PI4KA: variants seen among roughly 807,000 people sequenced by gnomAD.
The protein encoded by PI4KA is PI4-kinase alpha.
A neutral mutation model predicts 271.4 loss-of-function variants in PI4KA; 122 were observed. That is an observed-to-expected ratio of 0.45 (90% CI 0.39 to 0.52). The LOEUF (loss-of-function observed/expected upper bound fraction) is 0.52. PI4KA is among the 20% of genes least tolerant of loss of function. The pLI is 0.00. For synonymous variants in PI4KA, 1,041 were observed against 1,078.8 expected, an observed-to-expected ratio of 0.96 and a Z score of 0.69; for missense variants, 1,969 against 2,769.1, an observed-to-expected ratio of 0.71 and a Z score of 6.48.
intron 23 of PI4KA, among the ~76,000 whole-genome samples, chr22:20,758,459 C>CTTTTTTTTTTTTTTTTTTTTTTTTT (rs35401829): frequency 7.1e-5 from 6 of 85,034 alleles, no homozygotes; most frequent in Non-Finnish European, 6.6e-5. Context: ...TCTTTCTTTT[C>CTTTTTTTTTTTTTTTTTTTTTTTTT]TTTTTTTTTT....
intron 7 of PI4KA, 90 bp downstream of exon 7, chr22:20,818,393 A>C (rs1922125142): frequency 3.4e-6 from 3 of 876,590 alleles, no homozygotes; most frequent in East Asian, 3.0e-5. Flanking sequence ...CAACAGAGTT[A>C]GTATCAGCAT....
At chr22:20,785,648 A>C (rs1194002390) in intron 19 of PI4KA, among the ~76,000 whole-genome samples, 2 of 152,158 alleles carry the variant, frequency 1.3e-5, no homozygotes, top group Non-Finnish European at 2.9e-5. Flanking sequence ...CTCCTTAATT[A>C]CAAAAAAAAA....
intron 19 of PI4KA, among the ~76,000 whole-genome samples, chr22:20,781,965 A>G (rs1429286009): frequency 6.6e-6 from 1 of 152,252 alleles, no homozygotes; most frequent in Non-Finnish European, 1.5e-5. Context: ...ACATGACAAG[A>G]GCTCAGCGAA....
intron 7 of PI4KA, among the ~76,000 whole-genome samples, chr22:20,817,674 C>T (rs764532996): frequency 5.2e-5 from 6 of 115,410 alleles, no homozygotes; most frequent in South Asian, 3.0e-4. Flanking sequence ...GTTGAAGCTG[C>T]GGTGAGCCAT....
intron 1 of PI4KA, among the ~76,000 whole-genome samples, chr22:20,848,107 G>C (rs952108998): frequency 6.4e-4 from 97 of 152,014 alleles, no homozygotes; most frequent in African/African-American, 2.2e-3. Context: ...GCATGGTTGT[G>C]CACACCTGTA....
intron 22 of PI4KA, chr22:20,764,514 G>A: frequency 3.7e-6 from 1 of 268,318 alleles, no homozygotes; most frequent in Non-Finnish European, 7.1e-6. Flanking sequence ...TGGGTCCTCA[G>A]AAGGGCCTCG....
At position 20,754,716 on chromosome 22, in the gene PI4KA, G is replaced by T. The variant is rs559479788; in HGVS notation, c.2792-1536C>A. ...CATAATCCCAGCACTTTGAGAGGCC[G>T]AGGTGGGTGGATCACGAGGTCAGGA... On this transcript the variant is annotated intron_variant, in intron 23 of 54. Coordinates refer to ENST00000255882, the MANE Select transcript of PI4KA (RefSeq NM_058004.4). Among the ~76,000 whole-genome samples, 4 of 152,288 alleles carry T rather than the reference G, an allele frequency of 2.6e-5. No homozygotes were observed. In the South Asian group the frequency reaches 8.3e-4, roughly 32 times the overall value.
intron 2 of PI4KA, among the ~76,000 whole-genome samples, chr22:20,835,344 G>A (rs1244050016): frequency 6.6e-6 from 1 of 152,186 alleles, no homozygotes; most frequent in Non-Finnish European, 1.5e-5. Flanking sequence ...AGGATTAGAT[G>A]TGCTCCAGAG....
chr22:20,815,013 A>G (rs1233920869), intron 7 of PI4KA, among the ~76,000 whole-genome samples: 1 of 152,060 alleles, frequency 6.6e-6, no homozygotes, highest in Non-Finnish European at 1.5e-5. Flanking sequence ...ATTATTTTAA[A>G]TTAAAATAGA....
chr22:20,789,652 T>C (rs1247222879), intron 19 of PI4KA, among the ~76,000 whole-genome samples: 2 of 152,188 alleles, frequency 1.3e-5, no homozygotes, highest in Admixed American at 1.3e-4. Context: ...AGATCACTGC[T>C]TGGTTTTAGC....
In PI4KA at chr22:20,751,881, A is replaced by G. The variant is rs927291876; in HGVS notation, c.2988-126T>C. On this transcript the variant is annotated intron_variant, in intron 25 of 54. Coordinates refer to ENST00000255882, the MANE Select transcript of PI4KA (RefSeq NM_058004.4). ...AGGCCAGCTGAAGGAGGAGGTCGGG[A>G]GGCCCTTGCAGCAGGATGCCTGGCC... 5.1e-5 allele frequency: 39 copies of G among 760,764 alleles called. 1 individual carries two copies. The highest frequency in any genetic ancestry group is 4.9e-5 in the Non-Finnish European group (22 of 448,834). 47.1% of individuals were successfully genotyped at this position (760,764 alleles called of 1,614,324 possible). A position where few individuals can be genotyped will look rare whatever the true frequency, so the allele number is the denominator to read the frequency against.
chr22:20,856,772 A>G (rs1015244130), intron 1 of PI4KA, among the ~76,000 whole-genome samples: 1 of 152,216 alleles, frequency 6.6e-6, no homozygotes, highest in Non-Finnish European at 1.5e-5. Flanking sequence ...TTATTACTAC[A>G]AAGCTAAGAA....
At chr22:20,751,632 A>G (rs768466238) in intron 26 of PI4KA, 42 bp downstream of exon 26, 3 of 1,505,912 alleles carry the variant, frequency 2.0e-6, no homozygotes, top group Non-Finnish European at 2.8e-6. Context: ...GTGGTGGTAG[A>G]GCGGGTGGTG....
chr22:20,744,990 T>C (rs1252574805), intron 29 of PI4KA, among the ~76,000 whole-genome samples: 1 of 152,120 alleles, frequency 6.6e-6, no homozygotes, highest in East Asian at 1.9e-4. Context: ...AATCACTAGA[T>C]TGTGAGAGCA....
intron 7 of PI4KA, among the ~76,000 whole-genome samples, chr22:20,818,248 T>C (rs919894069): frequency 2.6e-5 from 4 of 152,222 alleles, no homozygotes; most frequent in African/African-American, 9.7e-5. Flanking sequence ...TACTTTTCTC[T>C]CTAAATAAAA....
At chr22:20,854,848 T>C (rs1275478061) in intron 1 of PI4KA, among the ~76,000 whole-genome samples, 1 of 152,170 alleles carries the variant, frequency 6.6e-6, no homozygotes, top group Non-Finnish European at 1.5e-5. Flanking sequence ...AAAATTCCTT[T>C]ACTCTTAAGA....
At chr22:20,801,625 T>C (rs1406924015) in intron 14 of PI4KA, among the ~76,000 whole-genome samples, 1 of 151,966 alleles carries the variant, frequency 6.6e-6, no homozygotes, top group Non-Finnish European at 1.5e-5. Context: ...GGCTCACACC[T>C]GTAATCCCAG....
chr22:20,779,399 G>C (rs1933564703), intron 19 of PI4KA: 1 of 1,614,226 alleles, frequency 6.2e-7, no homozygotes, highest in South Asian at 1.1e-5. Context: ...ATCAGCTAGA[G>C]AAAGGAGGGG....
chr22:20,825,715 G>A (rs1412491512), intron 3 of PI4KA, among the ~76,000 whole-genome samples: 1 of 152,162 alleles, frequency 6.6e-6, no homozygotes, highest in African/African-American at 2.4e-5. Context: ...GAGGAATACT[G>A]GCACAAACAG....
Sources: allele counts gnomAD v4.1 joint callset (sites outside exome capture counted in the v4.1 genomes callset), GRCh38; gene constraint gnomAD v4.1.1; transcripts MANE v1.5; gene names NCBI Gene and HGNC (gene_info 2026-07-23, HGNC 2026-07-21).